MEAF6: variants seen among roughly 807,000 people sequenced by gnomAD.
MEAF6 encodes MYST/Esa1 associated factor 6.
Under a neutral mutation model 28.9 loss-of-function variants are expected in MEAF6, and 15 were observed. That is an observed-to-expected ratio of 0.52 (90% CI 0.35 to 0.80). The LOEUF (loss-of-function observed/expected upper bound fraction) is 0.80. Ranked by LOEUF, MEAF6 falls within the 30% of genes least tolerant of loss-of-function variation. The pLI is 0.01. For synonymous variants in MEAF6, 97 were observed against 88.7 expected (o/e 1.09, Z -0.53); for missense variants, 178 against 237.5 (o/e 0.75, Z 1.65).
At chr1:37,513,717 T>C (rs1569994199) in intron 1 of MEAF6, 179 bp from the exon 2 acceptor site, 1 of 604,268 alleles carries the variant, frequency 1.7e-6, no homozygotes, top group East Asian at 2.7e-5. Flanking sequence ...AGTCTAGACC[T>C]TTGGGGGTGA....
chr1:37,495,625 A>G (rs1341168082), intron 6 of MEAF6, among the ~76,000 whole-genome samples: 1 of 148,136 alleles, frequency 6.8e-6, no homozygotes, highest in Non-Finnish European at 1.5e-5. Flanking sequence ...GGCCACAGTG[A>G]ACTGTGACTG....
intron 4 of MEAF6, among the ~76,000 whole-genome samples, chr1:37,506,741 G>A (rs1245219939): frequency 6.6e-6 from 1 of 152,042 alleles, no homozygotes; most frequent in Non-Finnish European, 1.5e-5. Context: ...TCAGGCTGGA[G>A]TGTCATGGCT....
chr1:37,513,326 A>T, intron 2 of MEAF6, 97 bp downstream of exon 2: 3 of 827,944 alleles, frequency 3.6e-6, no homozygotes, highest in Non-Finnish European at 6.2e-6. Flanking sequence ...CCACTACTTT[A>T]CTACTGCCTC....
intron 5 of MEAF6, among the ~76,000 whole-genome samples, chr1:37,497,312 C>T (rs1383579844): frequency 6.6e-6 from 1 of 152,000 alleles, no homozygotes; most frequent in African/African-American, 2.4e-5. Flanking sequence ...GATCTTGGCT[C>T]ACTGCAAGCT....
At chr1:37,494,487 C>T (rs1322646062) in intron 6 of MEAF6, among the ~76,000 whole-genome samples, 1 of 139,500 alleles carries the variant, frequency 7.2e-6, no homozygotes, top group Non-Finnish European at 1.5e-5. Flanking sequence ...TGCACTCCAG[C>T]CTGGGTGACA....
intron 5 of MEAF6, 63 bp from the exon 6 acceptor site, chr1:37,495,981 G>GCTTATGCC: frequency 7.4e-7 from 1 of 1,345,578 alleles, no homozygotes; most frequent in Non-Finnish European, 1.1e-6. Context: ...CCCACAATCA[G>GCTTATGCC]CTACTGCATA....
Position 37,491,184 on chromosome 1 carries a change from C to T in MEAF6, c.*2915G>A, listed in dbSNP as rs943030690. On this transcript the variant is annotated 3_prime_UTR_variant, in exon 7 of 7. Transcript: ENST00000296214. ...ATTTATCGCTCATTTTAATTATCTT[C>T]TTTACTGCACAGGTCAAGATGTCAA... Among the ~76,000 whole-genome samples, 1 of 152,152 alleles carries T rather than the reference C, an allele frequency of 6.6e-6. No individual in the cohort carries two copies. Among genetic ancestry groups the T allele is most frequent in the Non-Finnish European group, 1.5e-5 (1 of 68,020 alleles).
rs140353754 is a variant in MEAF6 at position 37,509,470 on chromosome 1, C to G, written c.279G>C (p.Ser93=). The stretch of plus-strand genomic sequence containing the variant: ...CACTACTTACAGCTGCTGAGGTAAC[C>G]GAGGATTTACTGAAGAGCCGCTCAG... ...KEAERLFSKS[S]VTSAAAVSAL... The change falls in exon 3 of 7, where the codon TCG becomes TCC. Residue 93 remains serine, a synonymous_variant. Coordinates refer to ENST00000296214, the MANE Select transcript of MEAF6 (RefSeq NM_001270875.3). 1 of 1,613,954 alleles carries G rather than the reference C, an allele frequency of 6.2e-7. No individual in the cohort carries two copies. The highest frequency in any genetic ancestry group is 1.7e-4 in the Middle Eastern group (1 of 6,056).
intron 2 of MEAF6, 104 bp downstream of exon 2, chr1:37,513,318 AC>A: frequency 1.3e-6 from 1 of 771,512 alleles, no homozygotes; most frequent in Non-Finnish European, 2.3e-6. Context: ...AGATCACACC[AC>A]TACTTTACTA....
At chr1:37,495,817 G>A in intron 6 of MEAF6, 68 bp downstream of exon 6, 1 of 1,498,632 alleles carries the variant, frequency 6.7e-7, no homozygotes, top group Non-Finnish European at 9.3e-7. Context: ...AAGCTCTGAA[G>A]ACAAATACAT....
chr1:37,498,602 GT>G (rs957878443), intron 5 of MEAF6, among the ~76,000 whole-genome samples: 5 of 151,444 alleles, frequency 3.3e-5, no homozygotes, highest in Non-Finnish European at 7.4e-5. Flanking sequence ...TAATTACTGT[GT>G]TTTTTTGTAG....
At chr1:37,496,440 T>A in intron 5 of MEAF6, 1 of 480,932 alleles carries the variant, frequency 2.1e-6, no homozygotes, top group Admixed American at 4.5e-5. Flanking sequence ...AGCCAGAAAA[T>A]CAATTTAAAT....
At chr1:37,511,216 T>C (rs1456521855) in intron 2 of MEAF6, among the ~76,000 whole-genome samples, 1 of 151,970 alleles carries the variant, frequency 6.6e-6, no homozygotes, top group Admixed American at 6.6e-5. Context: ...AGCAATGGAG[T>C]ACTCCAAAAG....
chr1:37,509,595 G>A, intron 2 of MEAF6, 53 bp from the exon 3 acceptor site: 1 of 1,494,606 alleles, frequency 6.7e-7, no homozygotes, highest in Non-Finnish European at 9.3e-7. Context: ...TATGGCTCAA[G>A]CTGGGGATGC....
chr1:37,514,565 G>A (rs1024763419), intron 1 of MEAF6, 92 bp downstream of exon 1: 8 of 996,460 alleles, frequency 8.0e-6, no homozygotes, highest in Non-Finnish European at 1.1e-5. Context: ...CGCCCCCGGA[G>A]TAACAAACGG....
intron 4 of MEAF6, among the ~76,000 whole-genome samples, chr1:37,502,396 T>C (rs1642338962): frequency 6.6e-6 from 1 of 152,020 alleles, no homozygotes; most frequent in South Asian, 2.1e-4. Flanking sequence ...AAAATATATA[T>C]GTTTACACAA....
intron 4 of MEAF6, among the ~76,000 whole-genome samples, chr1:37,503,824 G>A (rs1376675334): frequency 1.3e-5 from 2 of 152,068 alleles, no homozygotes; most frequent in Admixed American, 1.3e-4. Flanking sequence ...AACCAGGTGT[G>A]GCGGCAGGCG....
At chr1:37,495,207 T>C (rs1210232121) in intron 6 of MEAF6, among the ~76,000 whole-genome samples, 6 of 151,818 alleles carry the variant, frequency 4.0e-5, no homozygotes, top group African/African-American at 1.5e-4. Flanking sequence ...TGGCACGCAC[T>C]GTAATCCCAG....
chr1:37,495,314 G>C (rs1642081068), intron 6 of MEAF6, among the ~76,000 whole-genome samples: 1 of 150,580 alleles, frequency 6.6e-6, no homozygotes. Flanking sequence ...CTGGGCAACA[G>C]AGCAAGACTC....
Sources: allele counts gnomAD v4.1 joint callset (sites outside exome capture counted in the v4.1 genomes callset), GRCh38; gene constraint gnomAD v4.1.1; transcripts MANE v1.5; gene names NCBI Gene and HGNC (gene_info 2026-07-23, HGNC 2026-07-21).